Variants in CORIN observed in about 807,000 individuals in gnomAD.
The protein encoded by CORIN is corin, serine peptidase, also known as atrial natriuretic peptide-converting enzyme.
Under a neutral mutation model 125.3 loss-of-function variants are expected in CORIN, and 117 were observed. That is an observed-to-expected ratio of 0.93 (90% CI 0.80 to 1.09). The LOEUF (loss-of-function observed/expected upper bound fraction) is 1.09, where lower values mean the gene tolerates loss of function less well. Ranked by LOEUF, CORIN falls within the 50% of genes least tolerant of loss-of-function variation. CORIN has a pLI of 0.00. For synonymous variants in CORIN, 450 were observed against 466.4 expected (o/e 0.96, Z 0.45); for missense variants, 1,253 against 1,306.7 (o/e 0.96, Z 0.63).
At chr4:47,785,298 C>A (rs1369270128) in intron 3 of CORIN, among the ~76,000 whole-genome samples, 1 of 152,202 alleles carries the variant, frequency 6.6e-6, no homozygotes, top group Non-Finnish European at 1.5e-5. Flanking sequence ...TACAAATCCA[C>A]TCCCACCGAG....
intron 5 of CORIN, among the ~76,000 whole-genome samples, chr4:47,741,831 A>G (rs1366978689): frequency 6.6e-6 from 1 of 152,022 alleles, no homozygotes; most frequent in Non-Finnish European, 1.5e-5. Flanking sequence ...GTATGATTTA[A>G]TTCATATTAA....
At chr4:47,757,827 A>G (rs1044793208) in intron 4 of CORIN, among the ~76,000 whole-genome samples, 3 of 146,836 alleles carry the variant, frequency 2.0e-5, no homozygotes, top group African/African-American at 7.6e-5. Flanking sequence ...ATTGAATTAT[A>G]ATCAGGAGAA....
intron 5 of CORIN, among the ~76,000 whole-genome samples, chr4:47,724,231 T>C (rs1199314392): frequency 6.6e-6 from 1 of 151,890 alleles, no homozygotes; most frequent in Non-Finnish European, 1.5e-5. Context: ...AACTGAAAAA[T>C]AAAATAACTA....
chr4:47,697,898 C>T (rs906263550), intron 5 of CORIN, among the ~76,000 whole-genome samples: 2 of 151,780 alleles, frequency 1.3e-5, no homozygotes, highest in Admixed American at 6.6e-5. Flanking sequence ...TATCTAATGA[C>T]GTATTTTAAG....
intron 2 of CORIN, among the ~76,000 whole-genome samples, chr4:47,791,372 A>T (rs1156669838): frequency 6.6e-6 from 1 of 152,172 alleles, no homozygotes; most frequent in African/African-American, 2.4e-5. Context: ...GGAACACCTA[A>T]ATTTTGCCCA....
At chr4:47,613,323 C>T (rs994041736) in intron 19 of CORIN, among the ~76,000 whole-genome samples, 13 of 152,040 alleles carry the variant, frequency 8.6e-5, no homozygotes, top group Middle Eastern at 3.2e-3. Flanking sequence ...TGTGGTGGCA[C>T]GTGCCTGTAG....
intron 5 of CORIN, among the ~76,000 whole-genome samples, chr4:47,740,607 G>T (rs1394307525): frequency 6.6e-6 from 1 of 151,862 alleles, no homozygotes; most frequent in East Asian, 1.9e-4. Context: ...AATTATAGCT[G>T]AATTTTTTTC....
chr4:47,738,690 GA>G, intron 5 of CORIN, among the ~76,000 whole-genome samples: 1 of 152,234 alleles, frequency 6.6e-6, no homozygotes, highest in East Asian at 1.9e-4. Flanking sequence ...TGCCCATATA[GA>G]GGGGGAAAAA....
At chr4:47,778,340 T>A (rs768312245) in intron 3 of CORIN, among the ~76,000 whole-genome samples, 3 of 151,924 alleles carry the variant, frequency 2.0e-5, no homozygotes, top group Non-Finnish European at 2.9e-5. Flanking sequence ...GGGTCAGGAG[T>A]CTTGCCAAGA....
intron 3 of CORIN, among the ~76,000 whole-genome samples, chr4:47,768,146 C>T (rs1002575135): frequency 1.3e-5 from 2 of 152,180 alleles, no homozygotes; most frequent in African/African-American, 4.8e-5. Flanking sequence ...CTCTGGAGAA[C>T]AACCCCTTTG....
intron 5 of CORIN, among the ~76,000 whole-genome samples, chr4:47,697,423 G>A (rs1442366482): frequency 6.6e-6 from 1 of 152,082 alleles, no homozygotes; most frequent in Non-Finnish European, 1.5e-5. Context: ...GAGTACAAAA[G>A]GAGTGAGGGG....
At chr4:47,743,831 G>A (rs1022325864) in intron 5 of CORIN, among the ~76,000 whole-genome samples, 2 of 151,946 alleles carry the variant, frequency 1.3e-5, no homozygotes, top group African/African-American at 4.8e-5. Flanking sequence ...GTTGCAGTGA[G>A]CTGAGATCAT....
chr4:47,719,441 G>A (rs1306838025), intron 5 of CORIN, among the ~76,000 whole-genome samples: 1 of 152,140 alleles, frequency 6.6e-6, no homozygotes, highest in Non-Finnish European at 1.5e-5. Flanking sequence ...TGAAGGACTG[G>A]ATGCTTTAAG....
intron 5 of CORIN, among the ~76,000 whole-genome samples, chr4:47,698,264 CA>C: frequency 6.6e-6 from 1 of 151,578 alleles, no homozygotes; most frequent in East Asian, 1.9e-4. Context: ...GGGGTAATAA[CA>C]TTAATATTAT....
At chr4:47,711,609 T>G (rs1386893488) in intron 5 of CORIN, among the ~76,000 whole-genome samples, 1 of 152,232 alleles carries the variant, frequency 6.6e-6, no homozygotes, top group African/African-American at 2.4e-5. Context: ...TAAGCCTGAC[T>G]TGGCAAACTG....
rs13306285 is a variant in CORIN at position 47,680,223 on chromosome 4, G to A, written c.1050C>T (p.Cys350=). 2.6e-5 allele frequency: 42 copies of A among 1,613,822 alleles called. No individual in the cohort carries two copies. The highest frequency in any genetic ancestry group is 3.3e-4 in the Middle Eastern group (2 of 6,058). ...CCATGGCGATGCAGCGCCCGTCCCCGCAGCGATGCTCTGTTGTGGGATTGC... is the reference window on the plus strand; with the variant it reads ...CCATGGCGATGCAGCGCCCGTCCCCACAGCGATGCTCTGTTGTGGGATTGC... ...CDCNPTTEHR[C]GDGRCIAMEW... is the part of the protein sequence containing the mutation. Residue 350 remains cysteine (C), a synonymous_variant, in exon 8 of 22, where the codon TGC becomes TGT. Coordinates refer to ENST00000273857, the MANE Select transcript of CORIN (RefSeq NM_006587.4).
At chr4:47,669,661 T>C (rs995344459) in intron 10 of CORIN, among the ~76,000 whole-genome samples, 3 of 151,802 alleles carry the variant, frequency 2.0e-5, no homozygotes, top group South Asian at 2.1e-4. Flanking sequence ...CTCTGCCTCC[T>C]GGGTTCGCAC....
intron 5 of CORIN, among the ~76,000 whole-genome samples, chr4:47,731,323 C>A (rs1371128826): frequency 6.6e-6 from 1 of 152,092 alleles, no homozygotes; most frequent in African/African-American, 2.4e-5. Flanking sequence ...CATATGCATG[C>A]AGGTCCAGAG....
chr4:47,698,207 T>C (rs915490990), intron 5 of CORIN, among the ~76,000 whole-genome samples: 2 of 151,886 alleles, frequency 1.3e-5, no homozygotes, highest in African/African-American at 2.4e-5. Context: ...ATAAATGCTA[T>C]GAAGAAGAGA....
Sources: gnomAD v4.1 joint callset for allele counts (sites outside exome capture counted in the v4.1 genomes callset) on GRCh38, gnomAD v4.1.1 for gene constraint, MANE v1.5 for transcripts, NCBI Gene and HGNC (gene_info 2026-07-23, HGNC 2026-07-21) for gene names.